The following PARP8 variants were observed in gnomAD, a reference collection of about 807,000 sequenced individuals.
PARP8 encodes the protein poly(ADP-ribose) polymerase family member 8, also known as protein mono-ADP-ribosyltransferase PARP8.
Under a neutral mutation model 124.1 loss-of-function variants are expected in PARP8, and 51 were observed. The observed-to-expected ratio is 0.41, with a 90% confidence interval of 0.33 to 0.52. The LOEUF is 0.52. Ranked by LOEUF, PARP8 falls within the 20% of genes least tolerant of loss-of-function variation. The pLI, the probability that PARP8 is intolerant of heterozygous loss-of-function variation, is 0.21. For synonymous variants in PARP8, 391 were observed against 361.5 expected (o/e 1.08, Z -0.93); for missense variants, 860 against 1,018.9 (o/e 0.84, Z 2.12).
intron 10 of PARP8, among the ~76,000 whole-genome samples, chr5:50,789,499 A>G (rs529137790): frequency 6.6e-6 from 1 of 152,268 alleles, no homozygotes; most frequent in South Asian, 2.1e-4. Context: ...TGCCATCCAC[A>G]TGGTCTCCTT....
intron 15 of PARP8, among the ~76,000 whole-genome samples, chr5:50,820,698 G>T (rs532576281): frequency 6.6e-6 from 1 of 152,174 alleles, no homozygotes; most frequent in Admixed American, 6.5e-5. Flanking sequence ...CCAGATGGTC[G>T]CATGTCTCCT....
At position 50,792,728 on chromosome 5, in the gene PARP8, C is replaced by T. The variant is rs111659591; in HGVS notation, c.738-1479C>T. Among the ~76,000 whole-genome samples the T allele has an allele frequency of 7.9e-5, 12 of 152,106 alleles. No individual in the cohort carries two copies. The South Asian group carries it at 8.3e-4, about 11-fold the overall frequency. On this transcript the variant is annotated intron_variant, in intron 10 of 25. Coordinates refer to ENST00000281631, the MANE Select transcript of PARP8 (RefSeq NM_024615.4). Reference sequence around the variant, plus strand: ...TAAAATGTTTCTCGTGCTGACTGAGCGAATTTACTGTGAATTTGGAATCAT... The same window carrying T: ...TAAAATGTTTCTCGTGCTGACTGAGTGAATTTACTGTGAATTTGGAATCAT...
intron 2 of PARP8, among the ~76,000 whole-genome samples, chr5:50,671,392 G>A (rs1579892614): frequency 6.6e-6 from 1 of 152,096 alleles, no homozygotes; most frequent in African/African-American, 2.4e-5. Context: ...GGAGCCCAGT[G>A]GGCCTGGCCA....
At chr5:50,806,698 AAG>A (rs917188682) in intron 14 of PARP8, among the ~76,000 whole-genome samples, 1 of 152,084 alleles carries the variant, frequency 6.6e-6, no homozygotes, top group Non-Finnish European at 1.5e-5. Context: ...TGTTGAAAGG[AAG>A]AGAGATAGAC....
chr5:50,704,206 G>A (rs555051373), intron 2 of PARP8, among the ~76,000 whole-genome samples: 3 of 152,070 alleles, frequency 2.0e-5, no homozygotes, highest in South Asian at 2.1e-4. Context: ...TCTAAGTCCC[G>A]AGAGATGTGA....
At chr5:50,759,784 C>G in intron 4 of PARP8, 52 bp downstream of exon 4, 3 of 1,504,364 alleles carry the variant, frequency 2.0e-6, no homozygotes, top group Non-Finnish European at 2.7e-6. Flanking sequence ...ATTGCATTAT[C>G]TTTTTTTGTT....
intron 22 of PARP8, among the ~76,000 whole-genome samples, chr5:50,830,734 T>A (rs1345514464): frequency 6.6e-6 from 1 of 152,202 alleles, no homozygotes; most frequent in Non-Finnish European, 1.5e-5. Flanking sequence ...ACAGCTTCAG[T>A]GTTCTGTGTA....
At chr5:50,722,811 C>T (rs557306886) in intron 2 of PARP8, among the ~76,000 whole-genome samples, 19 of 152,078 alleles carry the variant, frequency 1.2e-4, no homozygotes, top group East Asian at 7.7e-4. Context: ...TAATGTGGTG[C>T]GAGTTGTATA....
Position 50,666,819 on chromosome 5 carries a change from A to C in PARP8, c.-277A>C. On this transcript the variant is annotated 5_prime_UTR_variant, in exon 1 of 26. Coordinates refer to ENST00000281631, the MANE Select transcript of PARP8 (RefSeq NM_024615.4). ...GTGAGACTTGGTGTCATCACCATCC[A>C]TTGTCAGAAGGGGAGGAAATTGGAA... 2 of 1,244,920 alleles carry C rather than the reference A, an allele frequency of 1.6e-6. No homozygotes were observed. The highest frequency in any genetic ancestry group is 2.1e-6 in the Non-Finnish European group (2 of 973,708). 77.1% of individuals were successfully genotyped at this position (1,244,920 alleles called of 1,614,324 possible).
Position 50,761,874 on chromosome 5 carries a change from C to T in PARP8, c.399C>T (p.Ser133=), listed in dbSNP as rs750543733. Reference sequence around the variant, plus strand: ...AAGATTCTGAAGGTGACAATGATTCCGAAGAATTTTATTACGGAGGGCAGG... The same window carrying T: ...AAGATTCTGAAGGTGACAATGATTCTGAAGAATTTTATTACGGAGGGCAGG... The part of the protein sequence containing the change: ...VEEDSEGDND[S]EEFYYGGQVN... Residue 133 remains serine, a synonymous_variant, in exon 6 of 26, where the codon TCC becomes TCT. Transcript: ENST00000281631. 8.7e-6 allele frequency: 14 copies of T among 1,602,334 alleles called. No homozygotes were observed. The highest frequency in any genetic ancestry group is 5.6e-5 in the South Asian group (5 of 89,926).
intron 3 of PARP8, among the ~76,000 whole-genome samples, chr5:50,751,365 C>A (rs1419047854): frequency 1.3e-5 from 2 of 152,120 alleles, no homozygotes; most frequent in Non-Finnish European, 2.9e-5. Flanking sequence ...TTACTGAATT[C>A]TCTAACTGGA....
chr5:50,844,668 T>A lies in PARP8; in HGVS notation c.*2600T>A, dbSNP rs1199462343. The A allele has an allele frequency of 6.6e-6, 1 of 151,810 alleles. No individual in the cohort carries two copies. Among genetic ancestry groups the A allele is most frequent in the Admixed American group, 6.6e-5 (1 of 15,186 alleles). The allele number at this position is 151,810 out of a possible 1,614,324, so 9.4% of individuals were successfully genotyped here. On this transcript the variant is annotated 3_prime_UTR_variant, in exon 26 of 26. Coordinates refer to ENST00000281631, the MANE Select transcript of PARP8 (RefSeq NM_024615.4). ...AATTGTGTAGCCATTGCTACTTAGATAGTAACCCACTGAGCAAAGGCAGTC... is the reference window on the plus strand; with the variant it reads ...AATTGTGTAGCCATTGCTACTTAGAAAGTAACCCACTGAGCAAAGGCAGTC...
intron 14 of PARP8, among the ~76,000 whole-genome samples, chr5:50,806,781 A>G (rs576048076): frequency 1.3e-5 from 2 of 152,182 alleles, no homozygotes; most frequent in East Asian, 1.9e-4. Context: ...ATTTTTTTCT[A>G]TATCTTACTT....
chr5:50,784,712 ATTTG>A (rs1244547193), intron 9 of PARP8, among the ~76,000 whole-genome samples: 6 of 152,172 alleles, frequency 3.9e-5, no homozygotes, highest in East Asian at 1.9e-4. Flanking sequence ...ATAAAAGAAC[ATTTG>A]TTTGTAGTTT....
rs148847853 is a variant in PARP8 at position 50,737,833 on chromosome 5, T to G, written c.147-12318T>G. 3.2e-3 allele frequency among the ~76,000 whole-genome samples: 493 copies of G among 152,324 alleles called. 1 individual carries two copies. Among genetic ancestry groups the G allele is most frequent in the Non-Finnish European group, 5.2e-3 (351 of 68,000 alleles). ...TCTTAGATTTTTGTAACTGAGGCTT[T>G]TAGTTACATATTCATTGGCTTAAGA... is the stretch of plus-strand genomic sequence containing the variant. On this transcript the variant is annotated intron_variant, in intron 2 of 25. Transcript: ENST00000281631.
chr5:50,675,860 A>G (rs1179152560), intron 2 of PARP8, among the ~76,000 whole-genome samples: 1 of 152,238 alleles, frequency 6.6e-6, no homozygotes, highest in African/African-American at 2.4e-5. Context: ...AGTCGCAGAA[A>G]TAAGTCAGTA....
intron 7 of PARP8, among the ~76,000 whole-genome samples, chr5:50,773,983 C>A (rs561453162): frequency 2.6e-5 from 4 of 152,008 alleles, no homozygotes; most frequent in Non-Finnish European, 4.4e-5. Context: ...GAGGTCCCTG[C>A]GGCCTTCCAC....
chr5:50,758,571 G>T (rs972792670), intron 3 of PARP8, among the ~76,000 whole-genome samples: 1 of 152,120 alleles, frequency 6.6e-6, no homozygotes, highest in African/African-American at 2.4e-5. Context: ...CTTTTAATGT[G>T]CATTCCCTGC....
chr5:50,677,761 A>G (rs922674951), intron 2 of PARP8, among the ~76,000 whole-genome samples: 1 of 152,182 alleles, frequency 6.6e-6, no homozygotes, highest in Non-Finnish European at 1.5e-5. Context: ...GTCAGCAAGT[A>G]AAAAATTTAG....
Sources: allele counts gnomAD v4.1 joint callset (sites outside exome capture counted in the v4.1 genomes callset), GRCh38; gene constraint gnomAD v4.1.1; transcripts MANE v1.5; gene names NCBI Gene and HGNC (gene_info 2026-07-23, HGNC 2026-07-21).